Variants in TBC1D2B observed in about 807,000 individuals in gnomAD.
TBC1D2B encodes TBC1 domain family member 2B.
A neutral mutation model predicts 100.8 loss-of-function variants in TBC1D2B; 64 were observed. The observed-to-expected ratio is 0.64, with a 90% CI of 0.52 to 0.78. TBC1D2B has a LOEUF of 0.78. Ranked by LOEUF, TBC1D2B falls within the 30% of genes least tolerant of loss-of-function variation. The pLI is 0.00. For synonymous variants in TBC1D2B, 480 were observed against 479.7 expected (o/e 1.00, Z -0.01); for missense variants, 1,052 against 1,218.4 (o/e 0.86, Z 2.03).
At chr15:78,059,517 G>T (rs894295) in intron 1 of TBC1D2B, among the ~76,000 whole-genome samples, 135,169 of 152,160 alleles carry the variant, frequency 0.89, 60,751 homozygotes, top group East Asian at 0.99. Flanking sequence ...CAATTCTACA[G>T]GACAGCCATC....
intron 9 of TBC1D2B, among the ~76,000 whole-genome samples, chr15:78,010,770 T>C (rs2072202407): frequency 6.6e-6 from 1 of 152,166 alleles, no homozygotes; most frequent in South Asian, 2.1e-4. Flanking sequence ...GTTGTCCTTC[T>C]AAAGTTCTGG....
intron 1 of TBC1D2B, among the ~76,000 whole-genome samples, chr15:78,064,513 T>C (rs2073617676): frequency 6.6e-6 from 1 of 152,244 alleles, no homozygotes; most frequent in South Asian, 2.1e-4. Context: ...TGAAGGAATT[T>C]TTGTTTCTTA....
chr15:78,011,920 T>A (rs1353023319), intron 9 of TBC1D2B, among the ~76,000 whole-genome samples: 4 of 152,056 alleles, frequency 2.6e-5, no homozygotes, highest in Admixed American at 6.6e-5. Context: ...GTGCCAGGAT[T>A]ACAGGTGTGA....
intron 12 of TBC1D2B, 134 bp from the exon 13 acceptor site, chr15:77,998,489 G>C (rs547648197): frequency 2.0e-4 from 147 of 745,708 alleles, no homozygotes; most frequent in Non-Finnish European, 2.9e-4. Flanking sequence ...CCTGATGTAG[G>C]GGATGAGGCC....
At chr15:78,055,340 A>G (rs1729435676) in intron 1 of TBC1D2B, among the ~76,000 whole-genome samples, 2 of 152,134 alleles carry the variant, frequency 1.3e-5, no homozygotes, top group Admixed American at 6.5e-5. Flanking sequence ...GATGGGGGAG[A>G]GGACCCAGAA....
chr15:78,051,133 G>C (rs2073304959), intron 2 of TBC1D2B, among the ~76,000 whole-genome samples: 1 of 152,186 alleles, frequency 6.6e-6, no homozygotes, highest in Admixed American at 6.5e-5. Flanking sequence ...CTAGTGAGTA[G>C]CTATGCCAGC....
rs1341065338 is a variant in TBC1D2B, at chr15:78,024,211, C to G, written c.1415G>C (p.Ser472Thr). The change falls in exon 6 of 13, where the codon AGC becomes ACC. Residue 472 changes from serine to threonine, a missense_variant. Transcript: ENST00000300584. ...GNGPPPTVAPSSPSVVPVARD... is the reference protein window; with the variant it reads ...GNGPPPTVAPTSPSVVPVARD... Reference sequence around the variant, plus strand: ...GGCAACAGGCACAACCGAAGGGGAGCTGGGCGCCACGGTGGGAGGAGGCCC... The same window carrying G: ...GGCAACAGGCACAACCGAAGGGGAGGTGGGCGCCACGGTGGGAGGAGGCCC... 3 of 1,613,752 alleles carry G rather than the reference C, an allele frequency of 1.9e-6. No homozygotes were observed. The highest frequency in any genetic ancestry group is 2.7e-5 in the African/African-American group (2 of 74,944).
At position 78,015,493 on chromosome 15, in the gene TBC1D2B, G is replaced by A. The variant is rs1056032125; in HGVS notation, c.1775+1053C>T. 2.0e-5 allele frequency among the ~76,000 whole-genome samples: 3 copies of A among 152,178 alleles called. 1 individual carries two copies. The highest frequency in any genetic ancestry group is 7.2e-5 in the African/African-American group (3 of 41,428). ...AGCACAAAACGCTTTTGCATGGGAA[G>A]AACACACAGCACGTTTAGAAGCGCT... On this transcript the variant is annotated intron_variant, in intron 8 of 12. Coordinates refer to ENST00000300584, the MANE Select transcript of TBC1D2B (RefSeq NM_144572.2).
chr15:78,034,142 A>T (rs2072886265), intron 3 of TBC1D2B, among the ~76,000 whole-genome samples: 1 of 152,258 alleles, frequency 6.6e-6, no homozygotes, highest in African/African-American at 2.4e-5. Flanking sequence ...ATCTTCACAG[A>T]CAACTGCATA....
At chr15:78,054,223 C>T (rs750848378) in intron 1 of TBC1D2B, 36 bp from the exon 2 acceptor site, 1 of 1,595,452 alleles carries the variant, frequency 6.3e-7, no homozygotes, top group Non-Finnish European at 8.5e-7. Context: ...GTTATGGCCA[C>T]CAGTAATATG....
Position 78,077,631 on chromosome 15 carries a change from C to A in TBC1D2B, c.22G>T (p.Ala8Ser). The stretch of plus-strand genomic sequence containing the variant: ...TCGCCGCCGCCGCCGCCCTCCTCCG[C>A]CCGGGCTCCGGCCCCCGGCATCGCT... MPGAGAR[A>S]EEGGGGGEGA... The change falls in exon 1 of 13, where the codon GCG becomes TCG. Residue 8 changes from alanine to serine, a missense_variant. Around this residue, in one of 4 missense-constraint regions of TBC1D2B, gnomAD observed 627 missense variants for 646.1 expected, o/e 0.97. Coordinates refer to ENST00000300584, the MANE Select transcript of TBC1D2B (RefSeq NM_144572.2). 4 of 999,136 alleles carry A rather than the reference C, an allele frequency of 4.0e-6. No individual in the cohort carries two copies. Among genetic ancestry groups the A allele is most frequent in the Non-Finnish European group, 4.8e-6 (4 of 839,592 alleles). The allele number at this position is 999,136 out of a possible 1,614,324, so 61.9% of individuals were successfully genotyped here. A position where few individuals can be genotyped will look rare whatever the true frequency, so the allele number is the denominator to read the frequency against.
At position 78,047,768 on chromosome 15, in the gene TBC1D2B, T is replaced by C. The variant is rs143412435; in HGVS notation, c.515-2700A>G. Among the ~76,000 whole-genome samples, 391 of 152,170 alleles carry C rather than the reference T, an allele frequency of 2.6e-3. 3 individuals are homozygous for C. Among genetic ancestry groups the C allele is most frequent in the Non-Finnish European group, 4.2e-3 (286 of 67,998 alleles). On this transcript the variant is annotated intron_variant, in intron 2 of 12. Transcript: ENST00000300584. ...CAGTATACAAATATTGCAAGGCAGG[T>C]AGAGATGAGTGTACCTACTAGAGAG...
At chr15:78,075,550 T>C (rs142585623) in intron 1 of TBC1D2B, among the ~76,000 whole-genome samples, 38 of 152,282 alleles carry the variant, frequency 2.5e-4, no homozygotes, top group African/African-American at 7.7e-4. Flanking sequence ...AACACGATGC[T>C]CTATTTTCTT....
rs2071766122 is a variant in TBC1D2B, at chr15:77,996,614, A to T, written c.*1546T>A. ...GCCAGCTCCGTCTACCCAGTGAAAC[A>T]TTAGTGGAGTTGGTTAAAGACACGA... On this transcript the variant is annotated 3_prime_UTR_variant, in exon 13 of 13. Coordinates refer to ENST00000300584, the MANE Select transcript of TBC1D2B (RefSeq NM_144572.2). 1 of 152,260 alleles carries T rather than the reference A, an allele frequency of 6.6e-6. No homozygotes were observed. Among genetic ancestry groups the T allele is most frequent in the Non-Finnish European group, 1.5e-5 (1 of 68,046 alleles). 9.4% of individuals were successfully genotyped at this position (152,260 alleles called of 1,614,324 possible). A position where few individuals can be genotyped will look rare whatever the true frequency, so the allele number is the denominator to read the frequency against.
intron 8 of TBC1D2B, among the ~76,000 whole-genome samples, chr15:78,015,274 G>A (rs2072342454): frequency 6.6e-6 from 1 of 152,060 alleles, no homozygotes; most frequent in African/African-American, 2.4e-5. Flanking sequence ...TGGGGAGTGA[G>A]GAGGTAAAAT....
intron 4 of TBC1D2B, among the ~76,000 whole-genome samples, chr15:78,027,131 A>C (rs933635193): frequency 3.3e-5 from 5 of 152,200 alleles, no homozygotes; most frequent in Admixed American, 6.5e-5. Flanking sequence ...CACATTATAA[A>C]GAGGAGACAC....
At chr15:78,013,411 G>T in intron 8 of TBC1D2B, 94 bp from the exon 9 acceptor site, 1 of 1,178,030 alleles carries the variant, frequency 8.5e-7, no homozygotes, top group Non-Finnish European at 1.2e-6. Flanking sequence ...ACCAAATCAG[G>T]CACACGTGGT....
At chr15:78,074,635 A>G (rs8039096) in intron 1 of TBC1D2B, among the ~76,000 whole-genome samples, 1 of 152,152 alleles carries the variant, frequency 6.6e-6, no homozygotes, top group Non-Finnish European at 1.5e-5. Context: ...TTCCCATCAC[A>G]GGCAACCACT....
chr15:78,044,999 G>C lies in TBC1D2B; in HGVS notation c.584C>G (p.Pro195Arg). Residue 195 changes from proline to arginine, a missense_variant, in exon 3 of 13, where the codon CCT becomes CGT. Pro to Arg is a moderately radical substitution (Grantham distance 103). Transcript: ENST00000300584. ...ARNVLAVETV[P>R]GELVGEQAAN... is the part of the protein sequence containing the mutation. ...AGCTTGTTCTCCCACCAGCTCTCCA[G>C]GCACAGTCTCCACAGCTAGGACATT... 2 of 1,613,800 alleles carry C rather than the reference G, an allele frequency of 1.2e-6. No homozygotes were observed. The highest frequency in any genetic ancestry group is 1.7e-6 in the Non-Finnish European group (2 of 1,179,776).
Sources: gnomAD v4.1 joint callset for allele counts (sites outside exome capture counted in the v4.1 genomes callset) on GRCh38, gnomAD v4.1.1 for gene constraint, gnomAD v4.1.1 regional missense constraint, MANE v1.5 for transcripts, NCBI Gene and HGNC (gene_info 2026-07-23, HGNC 2026-07-21) for gene names.